Variants in METTL15 observed in about 807,000 individuals in gnomAD.
METTL15 encodes the protein methyltransferase 15, mitochondrial 12S rRNA N4-cytidine.
In METTL15, 34 loss-of-function variants were observed where a neutral mutation model predicts 38.3. The observed-to-expected ratio is 0.89, with a 90% CI of 0.68 to 1.18. METTL15 has a LOEUF of 1.18. Ranked by LOEUF, METTL15 falls within the 50% of genes most tolerant of loss-of-function variation. The pLI is 0.00. For synonymous variants in METTL15, 162 were observed against 170.9 expected (o/e 0.95, Z 0.41); for missense variants, 438 against 498.4 (o/e 0.88, Z 1.15).
chr11:28,129,263 T>C (rs546187626), intron 3 of METTL15, among the ~76,000 whole-genome samples: 32 of 152,330 alleles, frequency 2.1e-4, no homozygotes, highest in Non-Finnish European at 4.4e-4. Context: ...TGAAATTGTT[T>C]AGATTTCCCC....
intron 6 of METTL15, among the ~76,000 whole-genome samples, chr11:28,322,206 A>G (rs1311395218): frequency 6.6e-6 from 1 of 152,098 alleles, no homozygotes; most frequent in East Asian, 1.9e-4. Flanking sequence ...AATGGCAGAA[A>G]CTCTACAAAA....
intron 6 of METTL15, among the ~76,000 whole-genome samples, chr11:28,305,251 GTCTA>G (rs1327280525): frequency 6.6e-6 from 1 of 152,124 alleles, no homozygotes; most frequent in African/African-American, 2.4e-5. Flanking sequence ...TCCTAAAAAA[GTCTA>G]GCTGTTCTCA....
At chr11:28,176,794 A>T (rs898620351) in intron 3 of METTL15, among the ~76,000 whole-genome samples, 2 of 151,996 alleles carry the variant, frequency 1.3e-5, no homozygotes, top group Non-Finnish European at 2.9e-5. Context: ...TGGAATTATG[A>T]TATTACTGTG....
intron 3 of METTL15, among the ~76,000 whole-genome samples, chr11:28,177,468 C>A (rs1166553801): frequency 6.6e-6 from 1 of 151,798 alleles, no homozygotes; most frequent in African/African-American, 2.4e-5. Flanking sequence ...TGTGAAGACT[C>A]CAAGTAAAAT....
At position 28,113,460 on chromosome 11, in the gene METTL15, A is replaced by C. The variant is rs201493467; in HGVS notation, c.126A>C (p.Glu42Asp). ...RIHTTAEKYR[E>D]YEAREQTDQT... ...ATACTACAGCAGAAAAATATAGAGA[A>C]TATGAAGCCCGGGAGCAAACAGATC... Residue 42 changes from glutamate to aspartate, a missense_variant, in exon 3 of 7, where the codon GAA (glutamate) becomes GAC (aspartate). Transcript: ENST00000407364. 1 of 1,612,072 alleles carries C rather than the reference A, an allele frequency of 6.2e-7. No individual in the cohort carries two copies. The highest frequency in any genetic ancestry group is 2.2e-5 in the East Asian group (1 of 44,842).
chr11:28,147,839 C>A (rs1849939905), intron 3 of METTL15, among the ~76,000 whole-genome samples: 1 of 151,830 alleles, frequency 6.6e-6, no homozygotes, highest in Non-Finnish European at 1.5e-5. Context: ...TCATATATTT[C>A]CTCCACCCTG....
chr11:28,284,171 C>G (rs1185909738), intron 4 of METTL15, among the ~76,000 whole-genome samples: 2 of 152,076 alleles, frequency 1.3e-5, no homozygotes, highest in Non-Finnish European at 2.9e-5. Flanking sequence ...AAAACTCTGT[C>G]TTAAACACAT....
chr11:28,515,119 G>A (rs1001460644), intron 6 of METTL15, among the ~76,000 whole-genome samples: 4 of 152,104 alleles, frequency 2.6e-5, no homozygotes, highest in Admixed American at 6.6e-5. Context: ...CTATGAGAGA[G>A]GGGACAGGAA....
In METTL15 at chr11:28,330,706, G is replaced by A. The variant is rs201511519; in HGVS notation, c.1089G>A (p.Thr363=). The A allele has an allele frequency of 1.9e-4, 298 of 1,551,448 alleles. 1 individual carries two copies. The highest frequency in any genetic ancestry group is 1.0e-3 in the Middle Eastern group (6 of 5,986). ...TSQLGSDHEN[T]EEVSMRRAPL... ...AATTGGGTTCAGATCACGAAAACAC[G>A]GAAGAAGTCTCTATGAGAAGAGCTC... is the stretch of plus-strand genomic sequence containing the variant. The change falls in exon 7 of 7, where the codon ACG becomes ACA. Residue 363 remains threonine (T), a synonymous_variant. Coordinates refer to ENST00000407364, the MANE Select transcript of METTL15 (RefSeq NM_001113528.2).
chr11:28,354,616 A>C (rs988819218), intron 4 of METTL15, among the ~76,000 whole-genome samples: 18 of 152,154 alleles, frequency 1.2e-4, no homozygotes, highest in Non-Finnish European at 2.6e-4. Context: ...ATGAAAAAAA[A>C]CCCTGACTTT....
intron 6 of METTL15, chr11:28,517,264 G>A (rs1207722567): frequency 1.3e-5 from 2 of 151,972 alleles, no homozygotes; most frequent in Non-Finnish European, 2.9e-5. Flanking sequence ...GAACAGCTAA[G>A]GAGAGGGAAT....
intron 5 of METTL15, among the ~76,000 whole-genome samples, chr11:28,408,930 A>G (rs1156464546): frequency 6.6e-6 from 1 of 152,192 alleles, no homozygotes; most frequent in Admixed American, 6.5e-5. Flanking sequence ...ATTAACATGG[A>G]AATACTGGAC....
chr11:28,137,049 AT>A (rs57397951), intron 3 of METTL15, among the ~76,000 whole-genome samples: 151,915 of 152,304 alleles, frequency 1, 75,764 homozygotes, highest in Middle Eastern at 1. Flanking sequence ...TTTATAGATA[AT>A]TTTTATCCAA....
intron 6 of METTL15, among the ~76,000 whole-genome samples, chr11:28,502,275 G>A (rs1357154051): frequency 2.6e-5 from 4 of 152,080 alleles, no homozygotes; most frequent in Admixed American, 2.6e-4. Flanking sequence ...TTTAATCAGG[G>A]ACCAGCAAAC....
At chr11:28,366,521 C>T (rs1032182180) in intron 5 of METTL15, among the ~76,000 whole-genome samples, 54 of 152,220 alleles carry the variant, frequency 3.5e-4, no homozygotes, top group Non-Finnish European at 5.9e-5. Context: ...CTACAACTGC[C>T]ATCAATTGAG....
intron 5 of METTL15, among the ~76,000 whole-genome samples, chr11:28,370,676 T>G (rs1163593637): frequency 1.3e-5 from 2 of 152,018 alleles, no homozygotes; most frequent in East Asian, 1.9e-4. Flanking sequence ...TCACCAATGG[T>G]GTACTAGGGT....
rs749223871 is a variant in METTL15 at position 28,296,897 on chromosome 11, C to T, written c.744C>T (p.Ile248=). 1 of 1,613,576 alleles carries T rather than the reference C, an allele frequency of 6.2e-7. No homozygotes were observed. The highest frequency in any genetic ancestry group is 8.5e-7 in the Non-Finnish European group (1 of 1,179,690). The change falls in exon 6 of 7, where the codon ATC becomes ATT. Residue 248 remains isoleucine, a synonymous_variant. Coordinates refer to ENST00000407364, the MANE Select transcript of METTL15 (RefSeq NM_001113528.2). ...TTCAGGCACGCAGCATCTACCCCAT[C>T]ACCAGAACCCAGCAGCTTGCCAGCA... The part of the protein sequence containing the change: ...AIVQARSIYP[I]TRTQQLASIV...
In METTL15 at chr11:28,385,739, C is replaced by T. The variant is rs546852827; in HGVS notation, c.*358+23703C>T. Among the ~76,000 whole-genome samples, 305 of 152,082 alleles carry T rather than the reference C, an allele frequency of 2.0e-3. 1 individual carries two copies. Among genetic ancestry groups the T allele is most frequent in the African/African-American group, 5.9e-3 (247 of 41,516 alleles). ...CTGTAAATTTGTTCAGGCAGTATGG[C>T]CATTTTAACAATATTCATTCTAGCT... On this transcript the variant is annotated intron_variant and NMD_transcript_variant, in intron 5 of 7. Coordinates refer to the METTL15 transcript ENST00000532947.
intron 3 of METTL15, among the ~76,000 whole-genome samples, chr11:28,129,257 A>G (rs951875122): frequency 1.3e-5 from 2 of 152,190 alleles, no homozygotes; most frequent in African/African-American, 4.8e-5. Flanking sequence ...AATATTTGAA[A>G]TTGTTTAGAT....
Sources: allele counts gnomAD v4.1 joint callset (sites outside exome capture counted in the v4.1 genomes callset), GRCh38; gene constraint gnomAD v4.1.1; transcripts MANE v1.5; gene names NCBI Gene and HGNC (gene_info 2026-07-23, HGNC 2026-07-21).